Variants in GSK3B observed in about 807,000 individuals in gnomAD.
The protein encoded by GSK3B is glycogen synthase kinase 3 beta, also known as glycogen synthase kinase-3 beta.
Under a neutral mutation model 56.4 loss-of-function variants are expected in GSK3B, and 15 were observed. The ratio of observed to expected loss-of-function variants is 0.27; its 90% confidence interval spans 0.18 to 0.41. The LOEUF (loss-of-function observed/expected upper bound fraction) is 0.41, where lower values mean the gene tolerates loss of function less well. Ranked by LOEUF, GSK3B falls within the 10% of genes least tolerant of loss-of-function variation. GSK3B has a pLI of 1.00. For missense variants in GSK3B, 300 were observed against 513.4 expected (o/e 0.58, Z 4.02); for synonymous variants, 181 against 188.9 (o/e 0.96, Z 0.34).
intron 2 of GSK3B, among the ~76,000 whole-genome samples, chr3:119,966,089 GCA>G: frequency 6.6e-6 from 1 of 152,288 alleles, no homozygotes; most frequent in Non-Finnish European, 1.5e-5. Flanking sequence ...CTCCTTGATT[GCA>G]CAGACTGTTC....
intron 1 of GSK3B, among the ~76,000 whole-genome samples, chr3:120,053,757 A>G (rs141415849): frequency 1.3e-5 from 2 of 152,270 alleles, no homozygotes; most frequent in African/African-American, 2.4e-5. Context: ...ATGATAGTGA[A>G]TAAGTCTTAT....
At chr3:119,962,788 C>T (rs1257240052) in intron 2 of GSK3B, among the ~76,000 whole-genome samples, 1 of 152,132 alleles carries the variant, frequency 6.6e-6, no homozygotes, top group Admixed American at 6.5e-5. Flanking sequence ...TTCCACGGAC[C>T]GGTGAGGGGC....
intron 2 of GSK3B, among the ~76,000 whole-genome samples, chr3:120,000,856 T>C (rs139879683): frequency 1.4e-3 from 197 of 145,314 alleles, no homozygotes; most frequent in Non-Finnish European, 2.5e-3. Flanking sequence ...GAAAAATGGA[T>C]AGTGTTGTAA....
intron 1 of GSK3B, among the ~76,000 whole-genome samples, chr3:120,032,243 G>A (rs1029252975): frequency 2.4e-4 from 36 of 152,248 alleles, no homozygotes; most frequent in Middle Eastern, 3.4e-3. Flanking sequence ...TTGGGAGGCC[G>A]AGGCAGGCGG....
At chr3:120,013,895 C>T (rs534649542) in intron 1 of GSK3B, among the ~76,000 whole-genome samples, 3 of 151,350 alleles carry the variant, frequency 2.0e-5, no homozygotes, top group African/African-American at 7.3e-5. Context: ...GTTGGCCGGG[C>T]GCAGTGGCTC....
Position 119,823,432 on chromosome 3 carries a change from C to G in GSK3B, c.*3356G>C, listed in dbSNP as rs1439362277. The G allele has an allele frequency of 5.1e-6, 1 of 197,750 alleles. No homozygotes were observed. Among genetic ancestry groups the G allele is most frequent in the Non-Finnish European group, 1.0e-5 (1 of 95,530 alleles). 12.2% of individuals were successfully genotyped at this position (197,750 alleles called of 1,614,324 possible). ...ATAGCATTTTAGACCACTGACGTAT[C>G]AAAACCTGATACTATTAAGAAACTT... is the stretch of plus-strand genomic sequence containing the variant. On this transcript the variant is annotated 3_prime_UTR_variant, in exon 11 of 11. Coordinates refer to ENST00000264235, the MANE Select transcript of GSK3B (RefSeq NM_001146156.2).
chr3:119,962,634 C>G (rs751539899), intron 2 of GSK3B, among the ~76,000 whole-genome samples: 7 of 151,814 alleles, frequency 4.6e-5, no homozygotes, highest in Non-Finnish European at 8.8e-5. Context: ...AAATCCTAGA[C>G]CATGCACACA....
chr3:119,907,227 C>T (rs1369263340), intron 6 of GSK3B, among the ~76,000 whole-genome samples: 1 of 151,964 alleles, frequency 6.6e-6, no homozygotes, highest in African/African-American at 2.4e-5. Context: ...CAACTTTTTT[C>T]CTCTCTAATA....
chr3:120,014,710 GA>G (rs1304606790), intron 1 of GSK3B, among the ~76,000 whole-genome samples: 1 of 151,514 alleles, frequency 6.6e-6, no homozygotes, highest in Admixed American at 6.6e-5. Flanking sequence ...TAAGAGATTA[GA>G]AAAAACAAAA....
rs769576748 is a variant in GSK3B, at chr3:119,947,296, C to T, written c.338G>A (p.Arg113His). The T allele has an allele frequency of 1.9e-6, 3 of 1,600,376 alleles. No individual in the cohort carries two copies. The highest frequency in any genetic ancestry group is 2.2e-5 in the East Asian group (1 of 44,762). Residue 113 changes from arginine to histidine, a missense_variant, in exon 3 of 11, where the codon CGT becomes CAT. Arg to His is a conservative substitution (Grantham distance 29). This residue lies in a region of GSK3B where 62 missense variants were observed against 84.0 expected (regional missense o/e 0.74). Transcript: ENST00000264235. ...KLDHCNIVRL[R>H]YFFYSSGEKK... ...CTCACCACTGGAGTAGAAGAAATAACGCAATCGGACTATGTTACAGTGATC... is the reference window on the plus strand; with the variant it reads ...CTCACCACTGGAGTAGAAGAAATAATGCAATCGGACTATGTTACAGTGATC...
At chr3:119,982,417 G>C (rs181069769) in intron 2 of GSK3B, among the ~76,000 whole-genome samples, 3 of 152,164 alleles carry the variant, frequency 2.0e-5, no homozygotes, top group Non-Finnish European at 1.5e-5. Flanking sequence ...AGACTTCTCC[G>C]AGTTAAAGGA....
chr3:120,022,600 A>G (rs1301991122), intron 1 of GSK3B, among the ~76,000 whole-genome samples: 1 of 152,186 alleles, frequency 6.6e-6, no homozygotes, highest in Non-Finnish European at 1.5e-5. Flanking sequence ...ATGAAAGAAA[A>G]AAAGACCGGC....
intron 4 of GSK3B, among the ~76,000 whole-genome samples, chr3:119,923,083 GTTAAA>G (rs1193020227): frequency 1.3e-5 from 2 of 152,154 alleles, no homozygotes; most frequent in South Asian, 4.1e-4. Flanking sequence ...GATATCAGAA[GTTAAA>G]TTAAAATGTA....
intron 7 of GSK3B, among the ~76,000 whole-genome samples, chr3:119,882,252 G>A (rs774436485): frequency 6.6e-6 from 1 of 151,624 alleles, no homozygotes; most frequent in African/African-American, 2.4e-5. Flanking sequence ...TTATATACAC[G>A]GTATGCTTAA....
chr3:120,035,949 C>CT (rs1177704525), intron 1 of GSK3B, among the ~76,000 whole-genome samples: 1 of 152,182 alleles, frequency 6.6e-6, no homozygotes, highest in Non-Finnish European at 1.5e-5. Context: ...CCTTATCACT[C>CT]TGATGCCTTT....
At chr3:119,911,762 C>T (rs748758280) in intron 6 of GSK3B, among the ~76,000 whole-genome samples, 6 of 152,162 alleles carry the variant, frequency 3.9e-5, no homozygotes, top group Non-Finnish European at 7.4e-5. Flanking sequence ...CCTTAATCCT[C>T]ATGAAATAAC....
chr3:119,889,615 G>A (rs1215052005), intron 7 of GSK3B, among the ~76,000 whole-genome samples: 1 of 152,032 alleles, frequency 6.6e-6, no homozygotes, highest in Non-Finnish European at 1.5e-5. Context: ...ATAGGTGGCA[G>A]TAAAAGAGGG....
At chr3:120,039,632 C>T (rs778646630) in intron 1 of GSK3B, among the ~76,000 whole-genome samples, 7 of 152,236 alleles carry the variant, frequency 4.6e-5, no homozygotes, top group Non-Finnish European at 8.8e-5. Flanking sequence ...CTGTAACTCA[C>T]CTTCCCCTTT....
At chr3:120,038,450 C>T (rs2058039672) in intron 1 of GSK3B, among the ~76,000 whole-genome samples, 1 of 152,080 alleles carries the variant, frequency 6.6e-6, no homozygotes, top group Admixed American at 6.6e-5. Flanking sequence ...ACTGATTGAG[C>T]CTGGGAGGTT....
Sources: allele counts gnomAD v4.1 joint callset (sites outside exome capture counted in the v4.1 genomes callset), GRCh38; gene constraint gnomAD v4.1.1; regional missense constraint gnomAD v4.1.1; transcripts MANE v1.5; gene names NCBI Gene and HGNC (gene_info 2026-07-23, HGNC 2026-07-21).